Variants in CHST9 observed in about 807,000 individuals in gnomAD.
CHST9 encodes carbohydrate sulfotransferase 9.
In CHST9, 41 loss-of-function variants were observed where a neutral mutation model predicts 44.4. The observed-to-expected ratio is 0.92, with a 90% CI of 0.72 to 1.20. The LOEUF is 1.20. Among genes scored for constraint, CHST9 ranks in the 50% most tolerant of loss-of-function variants. The pLI is 0.00. For missense variants in CHST9, 504 were observed against 516.5 expected, an observed-to-expected ratio of 0.98 and a Z score of 0.23; for synonymous variants, 171 against 178.4, an observed-to-expected ratio of 0.96 and a Z score of 0.33.
chr18:27,164,119 C>A (rs28407882), intron 1 of CHST9, among the ~76,000 whole-genome samples: 2,902 of 151,868 alleles, frequency 0.019, 84 homozygotes, highest in African/African-American at 0.063. Context: ...CAGGTTGCCC[C>A]GAAGAGGGAA....
chr18:26,919,153 C>T (rs1468930389), intron 5 of CHST9, among the ~76,000 whole-genome samples: 1 of 152,104 alleles, frequency 6.6e-6, no homozygotes, highest in Non-Finnish European at 1.5e-5. Flanking sequence ...CCACCTGGTC[C>T]CTCCCATGAC....
chr18:26,935,963 G>C (rs1190784812), intron 5 of CHST9: 2 of 152,182 alleles, frequency 1.3e-5, no homozygotes, highest in Non-Finnish European at 2.9e-5. Flanking sequence ...AATGCCTAGT[G>C]ACTTTCTATC....
At chr18:27,058,891 C>T (rs1472057942) in intron 2 of CHST9, among the ~76,000 whole-genome samples, 1 of 152,068 alleles carries the variant, frequency 6.6e-6, no homozygotes, top group Non-Finnish European at 1.5e-5. Flanking sequence ...CAGGAATAGT[C>T]AAAACAACGC....
chr18:26,978,017 A>G (rs193137237), intron 4 of CHST9, among the ~76,000 whole-genome samples: 3 of 152,170 alleles, frequency 2.0e-5, no homozygotes, highest in Admixed American at 1.3e-4. Context: ...GCAGAAAGAG[A>G]GCAGGCATGT....
At chr18:26,971,259 C>T (rs1450738281) in intron 4 of CHST9, among the ~76,000 whole-genome samples, 1 of 138,606 alleles carries the variant, frequency 7.2e-6, no homozygotes, top group African/African-American at 2.7e-5. Flanking sequence ...AGAACACTCA[C>T]TCAATGGAAT....
intron 1 of CHST9, among the ~76,000 whole-genome samples, chr18:27,145,469 C>T (rs552863609): frequency 6.6e-6 from 1 of 152,344 alleles, no homozygotes; most frequent in African/African-American, 2.4e-5. Context: ...CAGGCGTGAG[C>T]CACTGCCCCT....
chr18:27,000,192 C>T (rs1490034320), intron 4 of CHST9, among the ~76,000 whole-genome samples: 1 of 152,200 alleles, frequency 6.6e-6, no homozygotes, highest in East Asian at 1.9e-4. Context: ...CAAAGTTGTG[C>T]AGATAGCTAA....
At chr18:27,130,733 A>G (rs2058464225) in intron 2 of CHST9, among the ~76,000 whole-genome samples, 1 of 152,246 alleles carries the variant, frequency 6.6e-6, no homozygotes, top group South Asian at 2.1e-4. Context: ...TATAAATTAC[A>G]GCTTATTCAT....
rs2055518155 is a variant in CHST9, at chr18:26,916,259, CT to C, written c.1331del (p.Ter444CysfsTer25). 6.5e-7 allele frequency: 1 copy of C among 1,536,514 alleles called. No individual in the cohort carries two copies. The highest frequency in any genetic ancestry group is 2.3e-5 in the East Asian group (1 of 44,200). On this transcript the variant is annotated frameshift_variant and stop_lost, in exon 6 of 6. Coordinates refer to ENST00000618847, the MANE Select transcript of CHST9 (RefSeq NM_031422.6). LOFTEE classifies it high-confidence loss of function. ...CAGGGTTTTAGAAAATGAATGCAAA[CT>C]ACAAAAATGGAGTTGTATAATTAAA... The part of the protein sequence containing the change: ...LMFNYTTPFL[*>X]
At chr18:26,976,737 A>T (rs552492646) in intron 4 of CHST9, among the ~76,000 whole-genome samples, 30 of 152,234 alleles carry the variant, frequency 2.0e-4, no homozygotes, top group African/African-American at 7.2e-4. Flanking sequence ...TCACATGAAT[A>T]CAGGAAGCCA....
chr18:27,098,733 A>T (rs2143742103), intron 2 of CHST9, among the ~76,000 whole-genome samples: 1 of 152,214 alleles, frequency 6.6e-6, no homozygotes, highest in African/African-American at 2.4e-5. Context: ...GTTCTCACCC[A>T]TAAGTGGGAG....
intron 1 of CHST9, chr18:27,147,708 A>G (rs9789137): frequency 0.33 from 49,740 of 152,016 alleles, 8,456 homozygotes; most frequent in East Asian, 0.49. Flanking sequence ...GTTCTGGTGA[A>G]ACGCAACTCC....
At chr18:26,947,555 A>T (rs2056182737) in intron 4 of CHST9, among the ~76,000 whole-genome samples, 1 of 152,220 alleles carries the variant, frequency 6.6e-6, no homozygotes. Context: ...AAGTAAATTT[A>T]TAAGAAAAAA....
At chr18:27,010,147 T>C (rs796744125) in intron 4 of CHST9, among the ~76,000 whole-genome samples, 2 of 152,308 alleles carry the variant, frequency 1.3e-5, no homozygotes, top group African/African-American at 4.8e-5. Context: ...TGAAGATACG[T>C]ATTTTTTTCA....
intron 2 of CHST9, among the ~76,000 whole-genome samples, chr18:27,067,901 G>A (rs1364831471): frequency 6.6e-6 from 1 of 152,118 alleles, no homozygotes. Flanking sequence ...AAACAAAGAA[G>A]TTATAACTAT....
chr18:27,062,736 A>G (rs2057739898), intron 2 of CHST9, among the ~76,000 whole-genome samples: 1 of 152,166 alleles, frequency 6.6e-6, no homozygotes, highest in South Asian at 2.1e-4. Flanking sequence ...GAATCGCCAC[A>G]CTGTCTTCCA....
chr18:27,066,981 CTT>C (rs996993960), intron 2 of CHST9, among the ~76,000 whole-genome samples: 6 of 152,192 alleles, frequency 3.9e-5, no homozygotes, highest in Admixed American at 3.3e-4. Flanking sequence ...TGTGTGATCT[CTT>C]GATTACTCTG....
chr18:27,023,422 C>G (rs1410398439), intron 4 of CHST9, among the ~76,000 whole-genome samples: 3 of 152,116 alleles, frequency 2.0e-5, no homozygotes, highest in Non-Finnish European at 2.9e-5. Context: ...TTATGGAAGT[C>G]AGAATTTATT....
intron 1 of CHST9, among the ~76,000 whole-genome samples, chr18:27,166,036 T>G (rs2058787553): frequency 6.6e-6 from 1 of 152,158 alleles, no homozygotes; most frequent in South Asian, 2.1e-4. Flanking sequence ...TCCACAGTGG[T>G]AATCATTGCT....
Sources: gnomAD v4.1 joint callset for allele counts (sites outside exome capture counted in the v4.1 genomes callset) on GRCh38, gnomAD v4.1.1 for gene constraint, MANE v1.5 for transcripts, NCBI Gene and HGNC (gene_info 2026-07-23, HGNC 2026-07-21) for gene names.